Variants in FAAH2 observed in about 807,000 individuals in gnomAD.
FAAH2 encodes fatty acid amide hydrolase 2.
In FAAH2, 60 loss-of-function variants were observed where a neutral mutation model predicts 36.9. That is an observed-to-expected ratio of 1.63 (90% CI 1.32 to 2.02). The LOEUF (loss-of-function observed/expected upper bound fraction) is 2.02. FAAH2 is among the 30% of genes most tolerant of loss of function. The pLI is 0.00. For synonymous variants in FAAH2, 214 were observed against 143.8 expected (o/e 1.49, Z -3.49); for missense variants, 689 against 397.5 (o/e 1.73, Z -6.23).
chrX:57,306,413 TG>T (rs1025157739), intron 2 of FAAH2, among the ~76,000 whole-genome samples: 1 of 110,806 alleles, frequency 9.0e-6, no homozygotes, highest in African/African-American at 3.3e-5. Context: ...GGCTTATGGG[TG>T]TGAAAAGGTA....
chrX:57,486,256 A>T (rs2057472032), intron 10 of FAAH2, among the ~76,000 whole-genome samples: 1 of 111,681 alleles, frequency 9.0e-6, no homozygotes. Flanking sequence ...TTCCTTTCAC[A>T]GATATTCATG....
chrX:57,237,752 G>A, the FAAH2 span, among the ~76,000 whole-genome samples: 1 of 110,767 alleles, frequency 9.0e-6, no homozygotes, highest in Non-Finnish European at 1.9e-5. Context: ...CTATGCATCT[G>A]AAAAAGATCT....
At chrX:57,315,784 C>T (rs1001261005) in intron 3 of FAAH2, among the ~76,000 whole-genome samples, 1 of 111,195 alleles carries the variant, frequency 9.0e-6, no homozygotes, top group Non-Finnish European at 1.9e-5. Flanking sequence ...TCATCTATAC[C>T]AAACACACAG....
intron 1 of FAAH2, among the ~76,000 whole-genome samples, chrX:57,288,541 G>A (rs1443963222): frequency 1.9e-5 from 2 of 107,488 alleles, no homozygotes; most frequent in African/African-American, 6.8e-5. Context: ...TAGTAGAGAC[G>A]GGTTTTCATC....
chrX:57,446,862 A>T, intron 8 of FAAH2, 66 bp from the exon 9 acceptor site: 1 of 703,594 alleles, frequency 1.4e-6, no homozygotes, highest in East Asian at 3.4e-5. Context: ...AGTCTTGTAT[A>T]GGTGTTTTGG....
At chrX:57,477,358 G>A (rs2057290196) in intron 10 of FAAH2, among the ~76,000 whole-genome samples, 1 of 110,612 alleles carries the variant, frequency 9.0e-6, no homozygotes, top group Non-Finnish European at 1.9e-5. Flanking sequence ...GCTGTAATGG[G>A]TACAGCTTTT....
intron 7 of FAAH2, among the ~76,000 whole-genome samples, chrX:57,400,494 C>A (rs183682590): frequency 6.4e-4 from 72 of 112,157 alleles, no homozygotes; most frequent in African/African-American, 2.2e-3. Flanking sequence ...GGGTTAGAGC[C>A]TTCTTTAGGG....
intron 5 of FAAH2, among the ~76,000 whole-genome samples, chrX:57,366,500 A>G (rs1210746691): frequency 8.9e-6 from 1 of 112,474 alleles, no homozygotes; most frequent in African/African-American, 3.2e-5. Flanking sequence ...GCTTGTGGTC[A>G]TCCCCCACAT....
the FAAH2 span, among the ~76,000 whole-genome samples, chrX:57,220,508 T>C: frequency 7.2e-5 from 8 of 111,564 alleles, no homozygotes; most frequent in South Asian, 3.8e-4. Context: ...TGGCTCAAGC[T>C]CCAGAAGCTT....
At chrX:57,283,015 A>G (rs1157077311), upstream of FAAH2, among the ~76,000 whole-genome samples, 1 of 111,913 alleles carries the variant, frequency 8.9e-6, no homozygotes, top group African/African-American at 3.3e-5. Flanking sequence ...GCTCTACCCT[A>G]GAGAAATTCA....
chrX:57,166,061 A>G, the FAAH2 span, among the ~76,000 whole-genome samples: 1 of 109,833 alleles, frequency 9.1e-6, no homozygotes, highest in African/African-American at 3.3e-5. Context: ...AGAGCACACC[A>G]ACAGGCATCA....
chrX:57,275,991 A>C, the FAAH2 span, among the ~76,000 whole-genome samples: 1 of 111,290 alleles, frequency 9.0e-6, no homozygotes, highest in Non-Finnish European at 1.9e-5. Context: ...TTAACACCCC[A>C]CTGTCCATAT....
chrX:57,123,888 A>C, the FAAH2 span, among the ~76,000 whole-genome samples: 5 of 111,902 alleles, frequency 4.5e-5, no homozygotes, highest in Non-Finnish European at 9.4e-5. Context: ...AGTTCATTGT[A>C]GATTCTGGAT....
the FAAH2 span, among the ~76,000 whole-genome samples, chrX:57,199,774 C>A: frequency 1.8e-5 from 2 of 111,487 alleles, no homozygotes; most frequent in African/African-American, 3.3e-5. Context: ...GCACTGGAGG[C>A]ATGTATAATT....
At chrX:57,413,086 T>C (rs2055744659) in intron 7 of FAAH2, among the ~76,000 whole-genome samples, 3 of 112,352 alleles carry the variant, frequency 2.7e-5, no homozygotes, top group Non-Finnish European at 5.6e-5. Context: ...TTTTTTCTTG[T>C]AAAGCTGTTT....
chrX:57,243,278 T>A, the FAAH2 span, among the ~76,000 whole-genome samples: 1 of 111,868 alleles, frequency 8.9e-6, no homozygotes, highest in Non-Finnish European at 1.9e-5. Flanking sequence ...AAACTTTCAT[T>A]TCCCTGGGAC....
the FAAH2 span, among the ~76,000 whole-genome samples, chrX:57,272,690 A>G: frequency 3.6e-5 from 4 of 112,380 alleles, no homozygotes; most frequent in African/African-American, 6.5e-5. Context: ...AAAATCCTTT[A>G]CAGGCAAGCA....
chrX:57,440,421 G>A (rs182904572), intron 8 of FAAH2, among the ~76,000 whole-genome samples: 4 of 110,906 alleles, frequency 3.6e-5, no homozygotes, highest in African/African-American at 9.8e-5. Context: ...TTGGTGTATA[G>A]GAATGCTTGT....
chrX:57,297,477 C>T (rs1348368003), intron 2 of FAAH2, among the ~76,000 whole-genome samples: 9 of 104,847 alleles, frequency 8.6e-5, no homozygotes, highest in Non-Finnish European at 1.4e-4. Flanking sequence ...AAGGAACAAC[C>T]GATACCAGCC....
Sources: allele counts gnomAD v4.1 joint callset (sites outside exome capture counted in the v4.1 genomes callset), GRCh38; gene constraint gnomAD v4.1.1; transcripts MANE v1.5; gene names NCBI Gene and HGNC (gene_info 2026-07-23, HGNC 2026-07-21).